The following HS3ST2 variants were observed in gnomAD, a reference collection of about 807,000 sequenced individuals.
The protein encoded by HS3ST2 is heparan sulfate glucosamine 3-O-sulfotransferase 2.
In HS3ST2, 17 loss-of-function variants were observed where a neutral mutation model predicts 26.3. The ratio of observed to expected loss-of-function variants is 0.65; its 90% CI spans 0.44 to 0.97. The LOEUF (loss-of-function observed/expected upper bound fraction) is 0.97. Ranked by LOEUF, HS3ST2 falls within the 50% of genes least tolerant of loss-of-function variation. The pLI is 0.00. For missense variants in HS3ST2, 402 were observed against 501.2 expected (o/e 0.80, Z 1.89); for synonymous variants, 237 against 219.2 (o/e 1.08, Z -0.72).
intron 1 of HS3ST2, among the ~76,000 whole-genome samples, chr16:22,908,545 G>A (rs1320578545): frequency 6.6e-6 from 1 of 152,172 alleles, no homozygotes; most frequent in Non-Finnish European, 1.5e-5. Context: ...ATCTGGTGAG[G>A]ACCTTCTTGC....
intron 1 of HS3ST2, among the ~76,000 whole-genome samples, chr16:22,852,191 C>T (rs577496914): frequency 2.6e-5 from 4 of 152,298 alleles, no homozygotes; most frequent in African/African-American, 7.2e-5. Context: ...GGACAGCCCC[C>T]ATCTTAAAGA....
intron 1 of HS3ST2, among the ~76,000 whole-genome samples, chr16:22,892,425 G>A (rs1902143496): frequency 6.6e-6 from 1 of 152,064 alleles, no homozygotes; most frequent in Non-Finnish European, 1.5e-5. Context: ...ACACAGACCA[G>A]TTATTGTGCA....
chr16:22,814,755 C>G lies in HS3ST2; in HGVS notation c.145C>G (p.Leu49Val). Residue 49 changes from leucine to valine, a missense_variant, in exon 1 of 2, where the codon CTC becomes GTC. Leu to Val is a conservative substitution (Grantham distance 32). Coordinates refer to ENST00000261374, the MANE Select transcript of HS3ST2 (RefSeq NM_006043.2). ...CTGCGACGACCTGGGTCGGAGCCGC[C>G]TCCTCGGCGCGCCTCGCTGCCTCCG... ...CCCDDLGRSR[L>V]LGAPRCLRGP... 6.2e-7 allele frequency: 1 copy of G among 1,607,382 alleles called. No homozygotes were observed. Among genetic ancestry groups the G allele is most frequent in the Non-Finnish European group, 8.5e-7 (1 of 1,177,912 alleles).
At chr16:22,820,436 G>C (rs769226578) in intron 1 of HS3ST2, among the ~76,000 whole-genome samples, 2 of 152,110 alleles carry the variant, frequency 1.3e-5, no homozygotes, top group Admixed American at 1.3e-4. Context: ...CCCAACACTG[G>C]GTAATTTAAA....
intron 1 of HS3ST2, among the ~76,000 whole-genome samples, chr16:22,827,398 A>G (rs1316289559): frequency 6.6e-6 from 1 of 152,108 alleles, no homozygotes; most frequent in African/African-American, 2.4e-5. Context: ...TCTGACTTAC[A>G]CTCTACAAGG....
In HS3ST2 at chr16:22,915,610, C is replaced by T. The variant is rs761612610; in HGVS notation, c.*48C>T. 44 of 1,562,674 alleles carry T rather than the reference C, an allele frequency of 2.8e-5. No individual in the cohort carries two copies. The East Asian group carries it at 5.6e-4, about 20-fold the overall frequency. On this transcript the variant is annotated 3_prime_UTR_variant, in exon 2 of 2. Coordinates refer to ENST00000261374, the MANE Select transcript of HS3ST2 (RefSeq NM_006043.2). ...CAAGGGCTCTTCTGCTCATCTCTTC[C>T]GTGAGATTTGCTCCCAGACCCTCTG...
In HS3ST2 at chr16:22,850,252, C is replaced by T. The variant is rs114362559; in HGVS notation, c.485+35157C>T. On this transcript the variant is annotated intron_variant, in intron 1 of 1. Transcript: ENST00000261374. ...TATGTAGCATAATCAGAATGAAGGA[C>T]AGTGGCAGCAACTGTAACTGTTCAC... Among the ~76,000 whole-genome samples the T allele has an allele frequency of 4.6e-3, 692 of 152,032 alleles. 8 individuals carry two copies. The highest frequency in any genetic ancestry group is 0.016 in the African/African-American group (658 of 41,470).
intron 1 of HS3ST2, among the ~76,000 whole-genome samples, chr16:22,901,411 G>A (rs964926234): frequency 1.3e-5 from 2 of 151,884 alleles, no homozygotes; most frequent in Non-Finnish European, 2.9e-5. Flanking sequence ...CATACTCTTA[G>A]CACCCCCTCC....
intron 1 of HS3ST2, among the ~76,000 whole-genome samples, chr16:22,819,736 G>A (rs547607717): frequency 6.6e-6 from 1 of 152,322 alleles, no homozygotes; most frequent in African/African-American, 2.4e-5. Flanking sequence ...ATGGTGCAAA[G>A]CAAAGAAGAC....
intron 1 of HS3ST2, among the ~76,000 whole-genome samples, chr16:22,824,656 AG>A (rs1901056688): frequency 6.6e-6 from 1 of 152,230 alleles, no homozygotes; most frequent in Non-Finnish European, 1.5e-5. Context: ...CACTGGATCA[AG>A]AGCGGAAGAC....
chr16:22,913,306 G>A (rs1042686444), intron 1 of HS3ST2, among the ~76,000 whole-genome samples: 2 of 152,164 alleles, frequency 1.3e-5, no homozygotes, highest in South Asian at 2.1e-4. Context: ...GGATGCTCCC[G>A]TCCATCAAGG....
At chr16:22,903,177 C>T (rs1033829698) in intron 1 of HS3ST2, among the ~76,000 whole-genome samples, 1 of 152,138 alleles carries the variant, frequency 6.6e-6, no homozygotes. Flanking sequence ...GTGAGAGTCA[C>T]ACTTGAATCT....
chr16:22,831,110 A>G (rs755633229), intron 1 of HS3ST2, among the ~76,000 whole-genome samples: 41 of 152,250 alleles, frequency 2.7e-4, no homozygotes, highest in Non-Finnish European at 4.7e-4. Flanking sequence ...CTAGAACCCA[A>G]TGAAGACTTT....
chr16:22,890,154 G>T (rs899211984), intron 1 of HS3ST2, among the ~76,000 whole-genome samples: 2 of 152,038 alleles, frequency 1.3e-5, no homozygotes, highest in African/African-American at 4.8e-5. Flanking sequence ...TCCACACAAG[G>T]GCTTGGAGTT....
At chr16:22,910,427 C>G (rs958109207) in intron 1 of HS3ST2, among the ~76,000 whole-genome samples, 3 of 152,158 alleles carry the variant, frequency 2.0e-5, no homozygotes, top group African/African-American at 7.2e-5. Flanking sequence ...CTATTCCTGT[C>G]ATACAGGCCA....
chr16:22,877,363 C>G (rs116205326), intron 1 of HS3ST2, among the ~76,000 whole-genome samples: 7 of 152,136 alleles, frequency 4.6e-5, no homozygotes, highest in African/African-American at 1.7e-4. Flanking sequence ...GATTGCTGAC[C>G]GTGGCGTGCT....
At chr16:22,838,727 G>T (rs1239296931) in intron 1 of HS3ST2, among the ~76,000 whole-genome samples, 1 of 152,192 alleles carries the variant, frequency 6.6e-6, no homozygotes, top group Non-Finnish European at 1.5e-5. Flanking sequence ...GGTTTGTGAA[G>T]GCAGGCAGTC....
intron 1 of HS3ST2, among the ~76,000 whole-genome samples, chr16:22,866,369 C>T (rs886731582): frequency 1.7e-3 from 251 of 143,808 alleles, no homozygotes; most frequent in African/African-American, 6.1e-3. Context: ...ATATGGTGTG[C>T]GTGTGTGTGT....
At chr16:22,874,004 G>A (rs540802724) in intron 1 of HS3ST2, among the ~76,000 whole-genome samples, 1 of 152,284 alleles carries the variant, frequency 6.6e-6, no homozygotes, top group East Asian at 1.9e-4. Context: ...AAGCGTCAGT[G>A]CACAAAAGCT....
Sources: allele counts gnomAD v4.1 joint callset (sites outside exome capture counted in the v4.1 genomes callset), GRCh38; gene constraint gnomAD v4.1.1; transcripts MANE v1.5; gene names NCBI Gene and HGNC (gene_info 2026-07-23, HGNC 2026-07-21).